The following CRTAP variants were observed in gnomAD, a reference collection of about 807,000 sequenced individuals.
CRTAP encodes cartilage associated protein.
Under a neutral mutation model 42.7 loss-of-function variants are expected in CRTAP, and 33 were observed. That is an observed-to-expected ratio of 0.77 (90% CI 0.59 to 1.03). The LOEUF (loss-of-function observed/expected upper bound fraction) is 1.03. CRTAP is among the 50% of genes least tolerant of loss of function. The probability of loss-of-function intolerance (pLI) is 0.00; values close to 1 mark genes in which losing one functional copy is unlikely to be tolerated. For missense variants in CRTAP, 613 were observed against 533.9 expected (o/e 1.15, Z -1.46); for synonymous variants, 243 against 217.7 (o/e 1.12, Z -1.02).
chr3:33,114,177 C>G lies in CRTAP; in HGVS notation c.100C>G (p.Arg34Gly), dbSNP rs1392382224. The G allele has an allele frequency of 6.3e-7, 1 of 1,592,154 alleles. No individual in the cohort carries two copies. Among genetic ancestry groups the G allele is most frequent in the Non-Finnish European group, 8.5e-7 (1 of 1,176,118 alleles). ...GRAQYERYSFRSFPRDELMPL... is the reference protein window; with the variant it reads ...GRAQYERYSFGSFPRDELMPL... ...CGCCCAATACGAACGCTACAGCTTC[C>G]GCAGCTTCCCACGGGACGAGCTGAT... Residue 34 changes from arginine to glycine, a missense_variant, in exon 1 of 7, where the codon CGC becomes GGC. Transcript: ENST00000320954.
intron 6 of CRTAP, among the ~76,000 whole-genome samples, chr3:33,138,653 T>C (rs1316976306): frequency 1.3e-5 from 2 of 152,232 alleles, no homozygotes; most frequent in African/African-American, 4.8e-5. Context: ...TATGTGTATG[T>C]GTATTATTTT....
chr3:33,114,015 C>A lies in CRTAP; in HGVS notation c.-63C>A, dbSNP rs1184479280. The A allele has an allele frequency of 3.1e-6, 4 of 1,302,288 alleles. No individual in the cohort carries two copies. The highest frequency in any genetic ancestry group is 1.5e-5 in the South Asian group (1 of 66,012). The allele number at this position is 1,302,288 out of a possible 1,614,324, so 80.7% of individuals were successfully genotyped here. ...CCGCCGCGTCGCACCGTCCTCTTTC[C>A]TTTCCTTCTCCCTCCCCTTTTCCCT... is the stretch of plus-strand genomic sequence containing the variant. On this transcript the variant is annotated 5_prime_UTR_variant, in exon 1 of 7. Transcript: ENST00000320954.
intron 1 of CRTAP, among the ~76,000 whole-genome samples, chr3:33,118,365 A>G (rs528966452): frequency 2.8e-4 from 42 of 152,274 alleles, no homozygotes; most frequent in African/African-American, 8.7e-4. Flanking sequence ...TTCCAGCTGA[A>G]GACTAGCCTT....
rs983265794 is a variant in CRTAP at position 33,146,692 on chromosome 3, C to A, written c.*4244C>A. The A allele has an allele frequency of 6.6e-6, 1 of 152,112 alleles. No homozygotes were observed. Among genetic ancestry groups the A allele is most frequent in the Admixed American group, 6.5e-5 (1 of 15,270 alleles). 9.4% of individuals were successfully genotyped at this position (152,112 alleles called of 1,614,324 possible). The stretch of plus-strand genomic sequence containing the variant: ...AAGGAAATGTGTGCTTTCAGGAGTT[C>A]TTATTAGGGGAATTTTAAGAGCACA... On this transcript the variant is annotated 3_prime_UTR_variant, in exon 7 of 7. Transcript: ENST00000320954.
In CRTAP at chr3:33,134,228, A is replaced by G. The variant is rs114720280; in HGVS notation, c.1115A>G (p.Tyr372Cys). 6 of 1,613,268 alleles carry G rather than the reference A, an allele frequency of 3.7e-6. No homozygotes were observed. Among genetic ancestry groups the G allele is most frequent in the Middle Eastern group, 1.6e-4 (1 of 6,062 alleles). Residue 372 changes from tyrosine (Y) to cysteine (C), a missense_variant, in exon 6 of 7, where the codon TAT (tyrosine) becomes TGT (cysteine). Tyr to Cys is a radical substitution (Grantham distance 194). Transcript: ENST00000320954. ...FNVTTLQKEL[Y>C]DFAKENIMDD... ...GTGACCACACTCCAGAAGGAGCTGTATGACTTTGCTAAGGAAAATATAATG... is the reference window on the plus strand; with the variant it reads ...GTGACCACACTCCAGAAGGAGCTGTGTGACTTTGCTAAGGAAAATATAATG...
chr3:33,114,710 T>C (rs1208815310), intron 1 of CRTAP, among the ~76,000 whole-genome samples, 162 bp downstream of exon 1: 1 of 152,218 alleles, frequency 6.6e-6, no homozygotes. Flanking sequence ...CCTGTCTCCT[T>C]CTTCATCTCA....
chr3:33,119,585 G>C (rs1185137480), intron 1 of CRTAP, among the ~76,000 whole-genome samples: 1 of 152,186 alleles, frequency 6.6e-6, no homozygotes, highest in Non-Finnish European at 1.5e-5. Flanking sequence ...TGCATGAATG[G>C]ATGAATAAGT....
At chr3:33,129,535 C>CTTTTT (rs753545426) in intron 3 of CRTAP, among the ~76,000 whole-genome samples, 13 of 115,716 alleles carry the variant, frequency 1.1e-4, no homozygotes, top group Non-Finnish European at 1.6e-4. Context: ...TTTTCTTTTT[C>CTTTTT]TTTTTTTTTT....
chr3:33,133,130 CTG>C (rs374537809), intron 5 of CRTAP, among the ~76,000 whole-genome samples: 16 of 152,294 alleles, frequency 1.1e-4, no homozygotes, highest in Non-Finnish European at 1.5e-4. Context: ...ATTTCTGAAT[CTG>C]TAAAAACTCT....
chr3:33,118,194 C>T (rs1404851540), intron 1 of CRTAP, among the ~76,000 whole-genome samples: 3 of 151,560 alleles, frequency 2.0e-5, no homozygotes, highest in Non-Finnish European at 4.4e-5. Context: ...CTCCTGACCT[C>T]GTGATCCACC....
chr3:33,123,837 T>C (rs1423591279), intron 2 of CRTAP, among the ~76,000 whole-genome samples: 1 of 152,070 alleles, frequency 6.6e-6, no homozygotes, highest in East Asian at 1.9e-4. Flanking sequence ...ATATTGGCCA[T>C]GCTAGAGGTA....
intron 3 of CRTAP, 118 bp from the exon 4 acceptor site, chr3:33,129,811 ACAGGCGTGAG>A (rs1267568079): frequency 2.5e-6 from 2 of 810,854 alleles, no homozygotes; most frequent in Non-Finnish European, 4.1e-6. Context: ...TGCTGGGATT[ACAGGCGTGAG>A]CCACCGCGCC....
chr3:33,115,322 A>C (rs1701330468), intron 1 of CRTAP: 1 of 152,276 alleles, frequency 6.6e-6, no homozygotes, highest in Non-Finnish European at 1.5e-5. Context: ...TCCCTGCTTA[A>C]AGGGGAACTC....
intron 1 of CRTAP, among the ~76,000 whole-genome samples, chr3:33,117,360 CGAG>C (rs1701354768): frequency 6.6e-6 from 1 of 152,066 alleles, no homozygotes; most frequent in East Asian, 1.9e-4. Flanking sequence ...CAGAGGGAGG[CGAG>C]GAGGTTTGGA....
At chr3:33,131,114 T>C (rs1383478155) in intron 4 of CRTAP, among the ~76,000 whole-genome samples, 1 of 152,198 alleles carries the variant, frequency 6.6e-6, no homozygotes, top group Non-Finnish European at 1.5e-5. Flanking sequence ...TGCCAGGGTC[T>C]AGCGGTGGCA....
intron 1 of CRTAP, among the ~76,000 whole-genome samples, chr3:33,117,889 GT>G (rs1701363050): frequency 6.6e-6 from 1 of 152,174 alleles, no homozygotes; most frequent in African/African-American, 2.4e-5. Flanking sequence ...AAGAGATTCC[GT>G]TTTGTAAAAC....
intron 3 of CRTAP, among the ~76,000 whole-genome samples, chr3:33,129,530 TTTTTC>T (rs1305165560): frequency 7.1e-6 from 1 of 141,248 alleles, no homozygotes; most frequent in Non-Finnish European, 1.6e-5. Context: ...AATATTTTTC[TTTTTC>T]TTTTTTTTTT....
At chr3:33,140,860 C>T (rs2030551063) in intron 6 of CRTAP, among the ~76,000 whole-genome samples, 1 of 152,248 alleles carries the variant, frequency 6.6e-6, no homozygotes, top group Non-Finnish European at 1.5e-5. Context: ...TGGAGTCAAG[C>T]TTCGCCTGCT....
At chr3:33,130,131 G>T in intron 4 of CRTAP, 64 bp downstream of exon 4, 2 of 1,495,176 alleles carry the variant, frequency 1.3e-6, no homozygotes, top group Non-Finnish European at 1.9e-6. Context: ...TAAAATAGAG[G>T]TAATAACTCT....
Sources: gnomAD v4.1 joint callset for allele counts (sites outside exome capture counted in the v4.1 genomes callset) on GRCh38, gnomAD v4.1.1 for gene constraint, MANE v1.5 for transcripts, NCBI Gene and HGNC (gene_info 2026-07-23, HGNC 2026-07-21) for gene names.